The following KDM5A variants were observed in gnomAD, a reference collection of about 807,000 sequenced individuals.
KDM5A encodes the protein lysine-specific demethylase 5A.
Under a neutral mutation model 193.5 loss-of-function variants are expected in KDM5A, and 42 were observed. The ratio of observed to expected loss-of-function variants is 0.22; its 90% confidence interval spans 0.17 to 0.28. KDM5A has a LOEUF of 0.28. Among genes scored for constraint, KDM5A ranks in the 10% least tolerant of loss-of-function variants. The probability of loss-of-function intolerance (pLI) is 1.00; values close to 1 mark genes in which losing one functional copy is unlikely to be tolerated. For synonymous variants in KDM5A, 796 were observed against 718.1 expected (o/e 1.11, Z -1.73); for missense variants, 1,692 against 2,055.1 (o/e 0.82, Z 3.42).
chr12:311,775 T>G (rs1943589152), intron 20 of KDM5A, among the ~76,000 whole-genome samples: 1 of 152,120 alleles, frequency 6.6e-6, no homozygotes, highest in Non-Finnish European at 1.5e-5. Context: ...GGCTCACGCC[T>G]GTAATCCCAG....
At chr12:300,672 A>T (rs1943430533) in intron 24 of KDM5A, among the ~76,000 whole-genome samples, 1 of 152,210 alleles carries the variant, frequency 6.6e-6, no homozygotes, top group African/African-American at 2.4e-5. Flanking sequence ...GCAAGAAATA[A>T]CTAAGATCAG....
At chr12:324,798 G>A (rs1415479493) in intron 14 of KDM5A, among the ~76,000 whole-genome samples, 3 of 148,716 alleles carry the variant, frequency 2.0e-5, no homozygotes, top group African/African-American at 2.4e-5. Context: ...ACTTGAGCCC[G>A]GGGGGTGAAG....
chr12:283,810 ATTTTT>A lies in KDM5A; in HGVS notation c.*1641_*1645del, dbSNP rs59742442. ...TGATGACAAAACACTATTTTTAGTCATTTTTTTTTTTGTCCTTTAAAAAAAAATTA... is the reference window on the plus strand; with the variant it reads ...TGATGACAAAACACTATTTTTAGTCATTTTTTGTCCTTTAAAAAAAAATTA... On this transcript the variant is annotated 3_prime_UTR_variant, in exon 28 of 28. Transcript: ENST00000399788. 1 of 201,372 alleles carries A rather than the reference ATTTTT, an allele frequency of 5.0e-6. No individual in the cohort carries two copies. The highest frequency in any genetic ancestry group is 1.9e-4 in the South Asian group (1 of 5,174). The allele number at this position is 201,372 out of a possible 1,614,324, so 12.5% of individuals were successfully genotyped here.
In KDM5A at chr12:334,562, A is replaced by C. The variant is rs374673298; in HGVS notation, c.1309-140T>G. 113 of 659,598 alleles carry C rather than the reference A, an allele frequency of 1.7e-4. No homozygotes were observed. In the African/African-American group the frequency reaches 1.8e-3, roughly 11 times the overall value. The allele number at this position is 659,598 out of a possible 1,614,324, so 40.9% of individuals were successfully genotyped here. A position where few individuals can be genotyped will look rare whatever the true frequency, so the allele number is the denominator to read the frequency against. On this transcript the variant is annotated intron_variant, in intron 10 of 27. Transcript: ENST00000399788. The stretch of plus-strand genomic sequence containing the variant: ...ATACAATCTGTGCTCTTTGCTATCC[A>C]CTACATGTAACTCATATAACTAAAC...
At chr12:285,732 G>C (rs1210637224) in intron 27 of KDM5A, 70 bp from the exon 28 acceptor site, 18 of 1,378,896 alleles carry the variant, frequency 1.3e-5, no homozygotes, top group Admixed American at 1.7e-5. Flanking sequence ...GCAAACCAAA[G>C]AGCTTTCTTG....
chr12:329,942 TAC>T (rs1052187843), intron 13 of KDM5A, among the ~76,000 whole-genome samples: 2 of 152,094 alleles, frequency 1.3e-5, no homozygotes, highest in African/African-American at 4.8e-5. Flanking sequence ...AGAATTCATC[TAC>T]AGTTTGAGAA....
At chr12:296,459 T>A (rs1943375631) in intron 25 of KDM5A, among the ~76,000 whole-genome samples, 1 of 152,156 alleles carries the variant, frequency 6.6e-6, no homozygotes, top group South Asian at 2.1e-4. Context: ...AATAAAGCAT[T>A]TGGCTGCCTT....
In KDM5A at chr12:283,828, T is replaced by C. The variant is rs752257430; in HGVS notation, c.*1628A>G. 3.1e-5 allele frequency: 7 copies of C among 228,128 alleles called. No homozygotes were observed. The highest frequency in any genetic ancestry group is 6.7e-5 in the African/African-American group (3 of 44,816). 14.1% of individuals were successfully genotyped at this position (228,128 alleles called of 1,614,324 possible). On this transcript the variant is annotated 3_prime_UTR_variant, in exon 28 of 28. Transcript: ENST00000399788. ...TTTAGTCATTTTTTTTTTTGTCCTTTAAAAAAAAATTAGTCCCCTTCTAAT... is the reference window on the plus strand; with the variant it reads ...TTTAGTCATTTTTTTTTTTGTCCTTCAAAAAAAAATTAGTCCCCTTCTAAT...
intron 10 of KDM5A, among the ~76,000 whole-genome samples, chr12:345,118 C>T (rs1334250267): frequency 6.6e-6 from 1 of 151,994 alleles, no homozygotes; most frequent in Non-Finnish European, 1.5e-5. Context: ...GGGTTGCAAT[C>T]CCAGTCTCTG....
intron 7 of KDM5A, 148 bp downstream of exon 7, chr12:355,010 A>G: frequency 1.5e-6 from 1 of 688,846 alleles, no homozygotes. Context: ...TTAACAACAT[A>G]AACAAAAGCT....
chr12:306,348 T>C (rs947390262), intron 24 of KDM5A, among the ~76,000 whole-genome samples: 15 of 152,112 alleles, frequency 9.9e-5, no homozygotes, highest in African/African-American at 3.4e-4. Context: ...AAAACTGAAA[T>C]TGGCCAAGAA....
chr12:373,575 C>T (rs1459075166), intron 3 of KDM5A, among the ~76,000 whole-genome samples: 1 of 152,058 alleles, frequency 6.6e-6, no homozygotes, highest in Non-Finnish European at 1.5e-5. Context: ...GTGTCTCTAT[C>T]TCCTTCAGTT....
At chr12:306,585 A>C (rs1030901478) in intron 24 of KDM5A, among the ~76,000 whole-genome samples, 1 of 151,980 alleles carries the variant, frequency 6.6e-6, no homozygotes, top group African/African-American at 2.4e-5. Flanking sequence ...TCTACTAAAA[A>C]CACAAAAATT....
intron 5 of KDM5A, among the ~76,000 whole-genome samples, chr12:361,641 A>C (rs369740743): frequency 3.2e-4 from 49 of 152,352 alleles, no homozygotes; most frequent in Admixed American, 8.5e-4. Context: ...TCAAAGCAGA[A>C]TCACCATGTC....
At position 321,231 on chromosome 12, in the gene KDM5A, A is replaced by G. The variant is rs147630154; in HGVS notation, c.2427-122T>C. ...CCTAGAATCCCAGTGTTTGAAGGAT[A>G]ACACCACAATGGTGACCACTTCAAA... On this transcript the variant is annotated intron_variant, in intron 17 of 27. Transcript: ENST00000399788. 14 of 735,028 alleles carry G rather than the reference A, an allele frequency of 1.9e-5. 1 individual carries two copies. The highest frequency in any genetic ancestry group is 6.1e-5 in the Admixed American group (3 of 49,432). The allele number at this position is 735,028 out of a possible 1,614,324, so 45.5% of individuals were successfully genotyped here.
At chr12:382,288 A>G (rs112546814) in intron 3 of KDM5A, among the ~76,000 whole-genome samples, 24,496 of 151,810 alleles carry the variant, frequency 0.16, 3,985 homozygotes, top group East Asian at 0.42. Context: ...AAAATTAGCC[A>G]GGTGTGGTGG....
In KDM5A at chr12:282,388, A is replaced by C. The variant is rs540652927; in HGVS notation, c.*3068T>G. The C allele has an allele frequency of 3.0e-4, 71 of 233,278 alleles. No individual in the cohort carries two copies. The highest frequency in any genetic ancestry group is 1.4e-3 in the African/African-American group (65 of 45,472). 14.5% of individuals were successfully genotyped at this position (233,278 alleles called of 1,614,324 possible). On this transcript the variant is annotated 3_prime_UTR_variant, in exon 28 of 28. Transcript: ENST00000399788. ...CAAGGTATGACATGCAATAATTTAT[A>C]ATTTTACTGAGGCACAAATTTGAAT...
intron 10 of KDM5A, among the ~76,000 whole-genome samples, chr12:341,498 A>G (rs1368113054): frequency 6.6e-6 from 1 of 152,188 alleles, no homozygotes; most frequent in Non-Finnish European, 1.5e-5. Context: ...AATCAGTAAC[A>G]TGAGGATAGA....
At chr12:357,495 C>G (rs1004444836) in intron 5 of KDM5A, among the ~76,000 whole-genome samples, 1 of 151,632 alleles carries the variant, frequency 6.6e-6, no homozygotes, top group African/African-American at 2.4e-5. Context: ...CAAAAAGACC[C>G]TGTCTTTAAA....
Sources: gnomAD v4.1 joint callset for allele counts (sites outside exome capture counted in the v4.1 genomes callset) on GRCh38, gnomAD v4.1.1 for gene constraint, MANE v1.5 for transcripts, NCBI Gene and HGNC (gene_info 2026-07-23, HGNC 2026-07-21) for gene names.